STK3: variants seen among roughly 807,000 people sequenced by gnomAD.
The protein encoded by STK3 is serine/threonine-protein kinase 3.
STK3 carries 41 observed loss-of-function variants against 58.0 expected under a neutral mutation model. The observed-to-expected ratio is 0.71, with a 90% CI of 0.55 to 0.92. The LOEUF is 0.92. STK3 is among the 40% of genes least tolerant of loss of function. The pLI is 0.00. For synonymous variants in STK3, 170 were observed against 191.0 expected (o/e 0.89, Z 0.91); for missense variants, 479 against 602.7 (o/e 0.79, Z 2.15).
At chr8:98,411,702 G>T (rs1352229297) in intron 3 of STK3, among the ~76,000 whole-genome samples, 2 of 152,208 alleles carry the variant, frequency 1.3e-5, no homozygotes, top group Admixed American at 1.3e-4. Flanking sequence ...ATGTACCCAG[G>T]GGGGCGACAC....
At chr8:98,936,310 G>C (rs2132051889) in intron 1 of STK3, among the ~76,000 whole-genome samples, 1 of 152,124 alleles carries the variant, frequency 6.6e-6, no homozygotes, top group East Asian at 1.9e-4. Context: ...CAACATAATA[G>C]AGCTATTAAC....
intron 1 of STK3, among the ~76,000 whole-genome samples, chr8:98,887,029 G>A (rs952241015): frequency 5.3e-5 from 8 of 152,118 alleles, no homozygotes; most frequent in East Asian, 3.9e-4. Context: ...ACCAGGAGGC[G>A]GAGTTTGCAG....
At chr8:98,367,575 C>T (rs375111893), downstream of STK3, among the ~76,000 whole-genome samples, 46 of 152,208 alleles carry the variant, frequency 3.0e-4, no homozygotes, top group African/African-American at 1.7e-4. Flanking sequence ...ATGGCCATCA[C>T]GACCCAGATT....
intron 1 of STK3, among the ~76,000 whole-genome samples, chr8:98,925,635 T>C (rs928930724): frequency 1.3e-5 from 2 of 152,210 alleles, no homozygotes; most frequent in Non-Finnish European, 2.9e-5. Flanking sequence ...GCCCCCTTTT[T>C]TCATCTGAAA....
intron 6 of STK3, among the ~76,000 whole-genome samples, chr8:98,635,692 AAC>A (rs1443144168): frequency 3.9e-5 from 6 of 152,234 alleles, no homozygotes; most frequent in African/African-American, 1.4e-4. Flanking sequence ...TAAGTAAAAA[AAC>A]ACACAGAATT....
chr8:98,714,742 A>G (rs893041905), intron 4 of STK3, among the ~76,000 whole-genome samples: 3 of 152,192 alleles, frequency 2.0e-5, no homozygotes, highest in Non-Finnish European at 4.4e-5. Context: ...CATCCCCATC[A>G]AGCTACCAAT....
intron 3 of STK3, among the ~76,000 whole-genome samples, chr8:98,854,137 T>C (rs933490529): frequency 3.3e-5 from 5 of 151,986 alleles, no homozygotes; most frequent in African/African-American, 1.2e-4. Context: ...CTATATTTAT[T>C]TATTTATTTA....
At chr8:98,580,769 C>T (rs972569556) in intron 7 of STK3, among the ~76,000 whole-genome samples, 2 of 152,288 alleles carry the variant, frequency 1.3e-5, no homozygotes, top group South Asian at 2.1e-4. Flanking sequence ...TGAGCCACTG[C>T]ACCCAGCCCT....
intron 1 of STK3, among the ~76,000 whole-genome samples, chr8:98,925,025 G>C (rs1183962961): frequency 6.6e-6 from 1 of 152,176 alleles, no homozygotes; most frequent in African/African-American, 2.4e-5. Context: ...TCAAAGCTAG[G>C]TTTCCTCTGA....
Position 98,636,844 on chromosome 8 carries a change from C to T in STK3, c.685-40675G>A, listed in dbSNP as rs150970899. On this transcript the variant is annotated intron_variant, in intron 6 of 10. Coordinates refer to ENST00000419617, the MANE Select transcript of STK3 (RefSeq NM_006281.4). ...TTCCCCTTAGCAAATGGAGCTATTA[C>T]GCATCTGACACAGAATGTAATAAAT... Among the ~76,000 whole-genome samples, 408 of 152,114 alleles carry T rather than the reference C, an allele frequency of 2.7e-3. 2 individuals carry two copies. The highest frequency in any genetic ancestry group is 9.3e-3 in the African/African-American group (386 of 41,514).
chr8:98,740,465 T>G (rs1367669406), intron 4 of STK3, among the ~76,000 whole-genome samples: 1 of 152,114 alleles, frequency 6.6e-6, no homozygotes, highest in Non-Finnish European at 1.5e-5. Flanking sequence ...AAAGAATTTT[T>G]AAACCAGAAT....
chr8:98,346,249 C>A, the STK3 span, among the ~76,000 whole-genome samples: 1 of 148,128 alleles, frequency 6.8e-6, no homozygotes, highest in Non-Finnish European at 1.5e-5. Flanking sequence ...CACGCCATTG[C>A]ACTTCGGCCT....
chr8:98,618,460 CCAGGGCAATCAGG>C (rs1382091159), intron 6 of STK3, among the ~76,000 whole-genome samples: 1 of 152,016 alleles, frequency 6.6e-6, no homozygotes, highest in African/African-American at 2.4e-5. Flanking sequence ...GAAGTTCTGG[CCAGGGCAATCAGG>C]CAGGAGAAGG....
chr8:98,420,173 A>C (rs938505050), intron 3 of STK3, among the ~76,000 whole-genome samples: 6 of 152,304 alleles, frequency 3.9e-5, no homozygotes, highest in African/African-American at 1.2e-4. Context: ...TGCTTTTCTG[A>C]GTAGCATGGT....
chr8:98,851,820 A>G (rs1836480067), intron 3 of STK3, among the ~76,000 whole-genome samples: 1 of 152,124 alleles, frequency 6.6e-6, no homozygotes, highest in Admixed American at 6.6e-5. Context: ...TTGTCTTTAC[A>G]AAAACATTTT....
At chr8:98,604,245 T>C (rs1816598157) in intron 6 of STK3, among the ~76,000 whole-genome samples, 1 of 152,216 alleles carries the variant, frequency 6.6e-6, no homozygotes, top group African/African-American at 2.4e-5. Context: ...AGATATGTGT[T>C]AGACACTGTA....
chr8:98,812,734 T>A (rs1268466321), intron 1 of STK3, among the ~76,000 whole-genome samples: 1 of 152,178 alleles, frequency 6.6e-6, no homozygotes, highest in African/African-American at 2.4e-5. Flanking sequence ...ATGTCCTTTG[T>A]AGGGACATGG....
chr8:98,483,503 TG>T (rs1822005924), intron 10 of STK3, among the ~76,000 whole-genome samples: 2 of 152,246 alleles, frequency 1.3e-5, no homozygotes, highest in Admixed American at 1.3e-4. Flanking sequence ...TAAATTTAGA[TG>T]GGGGTGAGGA....
intron 1 of STK3, among the ~76,000 whole-genome samples, chr8:98,931,224 C>A (rs993441065): frequency 1.3e-5 from 2 of 152,136 alleles, no homozygotes; most frequent in Non-Finnish European, 2.9e-5. Flanking sequence ...GGCCCCTGGG[C>A]AGTGTTTTGT....
Sources: allele counts gnomAD v4.1 joint callset (sites outside exome capture counted in the v4.1 genomes callset), GRCh38; gene constraint gnomAD v4.1.1; transcripts MANE v1.5; gene names NCBI Gene and HGNC (gene_info 2026-07-23, HGNC 2026-07-21).